Variants in CHM observed in about 807,000 individuals in gnomAD.
CHM encodes rab proteins geranylgeranyltransferase component A 1.
CHM carries 10 observed loss-of-function variants against 49.0 expected under a neutral mutation model. That is an observed-to-expected ratio of 0.20 (90% confidence interval 0.13 to 0.35). The LOEUF (loss-of-function observed/expected upper bound fraction) is 0.35, where lower values mean the gene tolerates loss of function less well. Among genes scored for constraint, CHM ranks in the 10% least tolerant of loss-of-function variants. CHM has a pLI of 1.00. For synonymous variants in CHM, 184 were observed against 167.5 expected, an observed-to-expected ratio of 1.10 and a Z score of -0.76; for missense variants, 455 against 478.4, an observed-to-expected ratio of 0.95 and a Z score of 0.46.
chrX:86,034,454 A>T (rs1462716652), intron 1 of CHM, among the ~76,000 whole-genome samples: 2 of 111,786 alleles, frequency 1.8e-5, no homozygotes, highest in Non-Finnish European at 3.8e-5. Flanking sequence ...GGTAGTTACA[A>T]GCCACCAATA....
At chrX:85,935,736 G>A (rs1201653139) in intron 8 of CHM, among the ~76,000 whole-genome samples, 1 of 112,048 alleles carries the variant, frequency 8.9e-6, no homozygotes, top group East Asian at 2.8e-4. Flanking sequence ...GCACATGACT[G>A]TAAAAATATT....
intron 1 of CHM, 72 bp from the exon 2 acceptor site, chrX:86,027,629 G>T: frequency 1.1e-6 from 1 of 879,493 alleles, no homozygotes; most frequent in Non-Finnish European, 1.7e-6. Context: ...TTCAATACAT[G>T]CCATTGCTGT....
At chrX:85,957,809 A>G (rs377110677) in intron 7 of CHM, 46 bp downstream of exon 7, 1 of 1,182,510 alleles carries the variant, frequency 8.5e-7, no homozygotes, top group Non-Finnish European at 1.1e-6. Context: ...TTAAAATAGT[A>G]AGAAATGTCA....
rs1167691945 is a variant in CHM, at chrX:86,026,102, C to CTTTTTTTTTTTTTTTTTTTT, written c.116+1369_116+1388dup. 7.1e-4 allele frequency among the ~76,000 whole-genome samples: 19 copies of CTTTTTTTTTTTTTTTTTTTT among 26,761 alleles called. 6 individuals are homozygous for CTTTTTTTTTTTTTTTTTTTT. The highest frequency in any genetic ancestry group is 1.8e-3 in the East Asian group (1 of 559). 23.2% of individuals were successfully genotyped at this position (26,761 alleles called of 115,157 possible). A position where few individuals can be genotyped will look rare whatever the true frequency, so the allele number is the denominator to read the frequency against. ...CTGGGCTTTCAAGGTAGCAGATTTTCTTTTTTTTTTTTTTTTTTTTTTTTT... is the reference window on the plus strand; with the variant it reads ...CTGGGCTTTCAAGGTAGCAGATTTTCTTTTTTTTTTTTTTTTTTTTTTTTTTTTTTTTTTTTTTTTTTTTT... On this transcript the variant is annotated intron_variant, in intron 2 of 14. Transcript: ENST00000357749.
intron 8 of CHM, among the ~76,000 whole-genome samples, chrX:85,937,148 C>T (rs1157281576): frequency 9.2e-6 from 1 of 108,460 alleles, no homozygotes. Context: ...CGCCTGTAGT[C>T]CCAGCTACTC....
At chrX:85,990,002 G>T (rs746757198) in intron 2 of CHM, among the ~76,000 whole-genome samples, 1 of 111,951 alleles carries the variant, frequency 8.9e-6, no homozygotes, top group East Asian at 2.8e-4. Context: ...ATACCCAAAG[G>T]AATATAAATA....
chrX:85,873,470 C>G (rs1385688138), intron 13 of CHM, among the ~76,000 whole-genome samples: 14 of 111,708 alleles, frequency 1.3e-4, no homozygotes, highest in African/African-American at 4.5e-4. Context: ...CACATTCATC[C>G]TAAAATTTTC....
intron 9 of CHM, among the ~76,000 whole-genome samples, 156 bp from the exon 10 acceptor site, chrX:85,901,344 C>T (rs779097025): frequency 9.0e-6 from 1 of 111,439 alleles, no homozygotes; most frequent in East Asian, 2.8e-4. Flanking sequence ...ACAAAACTGA[C>T]AGTAAATGAC....
intron 8 of CHM, among the ~76,000 whole-genome samples, chrX:85,914,150 A>G (rs1927311332): frequency 9.0e-6 from 1 of 110,946 alleles, no homozygotes; most frequent in Non-Finnish European, 1.9e-5. Flanking sequence ...TTGCTCGGAG[A>G]GTTGGTAGAG....
In CHM at chrX:85,926,939, T is replaced by G. The variant is rs1175266323; in HGVS notation, c.1167-15601A>C. 1.4e-4 allele frequency among the ~76,000 whole-genome samples: 16 copies of G among 112,260 alleles called. No homozygotes were observed. In the East Asian group the frequency reaches 4.5e-3, roughly 31 times the overall value. On this transcript the variant is annotated intron_variant, in intron 8 of 14. Transcript: ENST00000357749. ...GTTTTACATAACAGTTATTTGCCAT[T>G]TAATACCAAGATAATCTTCATACTT...
chrX:85,937,659 C>A (rs918414157), intron 8 of CHM, among the ~76,000 whole-genome samples: 4 of 109,231 alleles, frequency 3.7e-5, no homozygotes, highest in Non-Finnish European at 7.6e-5. Context: ...GCCTGGGCAA[C>A]ATGGTGAAAC....
At chrX:85,972,743 C>T (rs982799747) in intron 4 of CHM, among the ~76,000 whole-genome samples, 3 of 112,167 alleles carry the variant, frequency 2.7e-5, no homozygotes, top group East Asian at 5.7e-4. Context: ...GCCTCTCCCT[C>T]GACACCTCCC....
At chrX:86,025,150 C>T (rs1446188274) in intron 2 of CHM, among the ~76,000 whole-genome samples, 1 of 111,188 alleles carries the variant, frequency 9.0e-6, no homozygotes, top group Non-Finnish European at 1.9e-5. Flanking sequence ...CTTTCAAAAG[C>T]CACCAAGTCT....
At chrX:85,943,970 A>C (rs2147642929) in intron 8 of CHM, among the ~76,000 whole-genome samples, 1 of 111,714 alleles carries the variant, frequency 9.0e-6, no homozygotes, top group Non-Finnish European at 1.9e-5. Flanking sequence ...AAAAAAAAAT[A>C]ATGTACTGTT....
chrX:85,908,453 A>G (rs998579905), intron 9 of CHM, among the ~76,000 whole-genome samples: 2 of 111,847 alleles, frequency 1.8e-5, no homozygotes, highest in Non-Finnish European at 3.8e-5. Flanking sequence ...GGAAAAATTT[A>G]ATATAAATAT....
chrX:86,012,106 A>G (rs1933100189), intron 2 of CHM, among the ~76,000 whole-genome samples: 1 of 112,104 alleles, frequency 8.9e-6, no homozygotes, highest in African/African-American at 3.3e-5. Flanking sequence ...GTGATGAGGC[A>G]AAAGGAAATG....
At chrX:86,009,324 T>C (rs1035367984) in intron 2 of CHM, among the ~76,000 whole-genome samples, 1 of 112,358 alleles carries the variant, frequency 8.9e-6, no homozygotes, top group Admixed American at 9.4e-5. Flanking sequence ...AAGTTTCTGG[T>C]CCCACCAGTC....
chrX:85,982,415 A>C (rs1931677278), intron 2 of CHM, among the ~76,000 whole-genome samples: 1 of 112,082 alleles, frequency 8.9e-6, no homozygotes, highest in Admixed American at 9.4e-5. Flanking sequence ...ACATCACATC[A>C]AGATATTTGC....
intron 8 of CHM, among the ~76,000 whole-genome samples, chrX:85,922,945 T>C (rs368869113): frequency 2.7e-5 from 3 of 112,326 alleles, no homozygotes; most frequent in East Asian, 5.6e-4. Flanking sequence ...AAGCGTGACC[T>C]GATATGAGTC....
Sources: allele counts gnomAD v4.1 joint callset (sites outside exome capture counted in the v4.1 genomes callset), GRCh38; gene constraint gnomAD v4.1.1; transcripts MANE v1.5; gene names NCBI Gene and HGNC (gene_info 2026-07-23, HGNC 2026-07-21).